NPNT: variants seen among roughly 807,000 people sequenced by gnomAD.
NPNT encodes preosteoblast EGF-like repeat protein with MAM domain.
NPNT carries 45 observed loss-of-function variants against 68.6 expected under a neutral mutation model. That is an observed-to-expected ratio of 0.66 (90% CI 0.52 to 0.84). The LOEUF is 0.84. Ranked by LOEUF, NPNT falls within the 40% of genes least tolerant of loss-of-function variation. The pLI, the probability that NPNT is intolerant of heterozygous loss-of-function variation, is 0.00. For missense variants in NPNT, 672 were observed against 714.8 expected, an observed-to-expected ratio of 0.94 and a Z score of 0.68; for synonymous variants, 233 against 253.3, an observed-to-expected ratio of 0.92 and a Z score of 0.76.
At chr4:105,930,689 G>A (rs1428752081) in intron 3 of NPNT, among the ~76,000 whole-genome samples, 3 of 152,126 alleles carry the variant, frequency 2.0e-5, no homozygotes, top group African/African-American at 4.8e-5. Flanking sequence ...GTAGCTTTTG[G>A]TATATGACAA....
In NPNT at chr4:105,952,861, C is replaced by T. The variant is rs552208525; in HGVS notation, c.1160-5610C>T. Among the ~76,000 whole-genome samples, 225 of 152,260 alleles carry T rather than the reference C, an allele frequency of 1.5e-3. 1 individual carries two copies. Among genetic ancestry groups the T allele is most frequent in the African/African-American group, 5.2e-3 (216 of 41,546 alleles). On this transcript the variant is annotated intron_variant, in intron 8 of 11. Transcript: ENST00000379987. ...TCTTCTTACCACTTGCATTCTGGTG[C>T]GAAGGACTCATTCCTGGCAGAGCCT...
At chr4:105,897,588 C>T (rs1560880370) in intron 1 of NPNT, among the ~76,000 whole-genome samples, 5 of 152,150 alleles carry the variant, frequency 3.3e-5, no homozygotes, top group Non-Finnish European at 7.4e-5. Flanking sequence ...AGAAACTATC[C>T]TGTGAGTGGC....
chr4:105,918,892 T>C (rs920468984), intron 2 of NPNT, among the ~76,000 whole-genome samples: 1 of 152,156 alleles, frequency 6.6e-6, no homozygotes, highest in African/African-American at 2.4e-5. Context: ...AACCTATGAG[T>C]AAGATCTCTA....
At chr4:105,920,397 A>T (rs1460636032) in intron 2 of NPNT, among the ~76,000 whole-genome samples, 1 of 10,164 alleles carries the variant, frequency 9.8e-5, no homozygotes, top group East Asian at 0.029. Context: ...TACTCTACTA[A>T]AAAAAAAAAA....
Position 105,942,678 on chromosome 4 carries a change from C to T in NPNT, c.1135C>T (p.Gln379Ter). The part of the protein sequence containing the change: ...TVDNRVQTDP[Q>*]KPRGDVFIPR... ...TGACAACAGGGTACAGACAGACCCTCAGAAACCCAGAGGAGATGTGTTCAG... is the reference window on the plus strand; with the variant it reads ...TGACAACAGGGTACAGACAGACCCTTAGAAACCCAGAGGAGATGTGTTCAG... The change falls in exon 8 of 12, where the codon CAG becomes TAG. Residue 379 changes from glutamine (Q) to a stop codon, truncating the protein, a stop_gained. Coordinates refer to ENST00000379987, the MANE Select transcript of NPNT (RefSeq NM_001033047.3). LOFTEE classifies it high-confidence loss of function. 1 of 1,612,028 alleles carries T rather than the reference C, an allele frequency of 6.2e-7. No individual in the cohort carries two copies. Among genetic ancestry groups the T allele is most frequent in the Non-Finnish European group, 8.5e-7 (1 of 1,179,062 alleles).
intron 2 of NPNT, chr4:105,912,414 T>A (rs1727445566): frequency 3.9e-6 from 2 of 506,406 alleles, no homozygotes; most frequent in Non-Finnish European, 6.6e-6. Context: ...TTATAGTAAG[T>A]TAATTTTAAT....
At chr4:105,962,754 TGTTG>T (rs1731817408) in intron 10 of NPNT, among the ~76,000 whole-genome samples, 9 of 152,096 alleles carry the variant, frequency 5.9e-5, no homozygotes, top group South Asian at 4.2e-4. Flanking sequence ...TTTTAGAATA[TGTTG>T]AGAGAATTAT....
chr4:105,959,211 T>C (rs1175997795), intron 10 of NPNT, 85 bp downstream of exon 10: 2 of 805,418 alleles, frequency 2.5e-6, no homozygotes, highest in Admixed American at 3.9e-5. Flanking sequence ...TCAAGTCTAC[T>C]GTAACACATC....
At chr4:105,929,740 A>T (rs1728967914) in intron 3 of NPNT, among the ~76,000 whole-genome samples, 1 of 152,240 alleles carries the variant, frequency 6.6e-6, no homozygotes, top group Admixed American at 6.5e-5. Flanking sequence ...CGATTAAAAT[A>T]AGTCACTTTT....
chr4:105,896,138 G>C (rs1243421347), intron 1 of NPNT, among the ~76,000 whole-genome samples: 1 of 152,174 alleles, frequency 6.6e-6, no homozygotes, highest in African/African-American at 2.4e-5. Flanking sequence ...AGGCCCCCGG[G>C]GGGAGGCCCG....
chr4:105,957,456 C>A (rs543301598), intron 8 of NPNT, among the ~76,000 whole-genome samples: 1 of 152,212 alleles, frequency 6.6e-6, no homozygotes, highest in Admixed American at 6.5e-5. Flanking sequence ...AAAGTAGATT[C>A]TTATGCTTTG....
intron 3 of NPNT, among the ~76,000 whole-genome samples, chr4:105,930,670 T>C (rs921040883): frequency 6.6e-6 from 1 of 152,226 alleles, no homozygotes; most frequent in Non-Finnish European, 1.5e-5. Context: ...AATTAGCTTT[T>C]GATTAAAAGT....
intron 10 of NPNT, among the ~76,000 whole-genome samples, chr4:105,961,110 T>C (rs1731687847): frequency 6.6e-6 from 1 of 152,214 alleles, no homozygotes; most frequent in African/African-American, 2.4e-5. Flanking sequence ...CCAGAGAAGT[T>C]ACCTGTTTCC....
intron 8 of NPNT, among the ~76,000 whole-genome samples, chr4:105,947,700 A>T (rs1056654015): frequency 6.6e-6 from 1 of 152,162 alleles, no homozygotes; most frequent in Non-Finnish European, 1.5e-5. Context: ...ATATTTTATT[A>T]ATCTTTTCTT....
At chr4:105,914,922 T>A (rs1298331313) in intron 2 of NPNT, among the ~76,000 whole-genome samples, 2 of 152,160 alleles carry the variant, frequency 1.3e-5, no homozygotes, top group Non-Finnish European at 2.9e-5. Flanking sequence ...GGAAGGCTTT[T>A]GATATCATAT....
At chr4:105,967,118 T>A in intron 10 of NPNT, 70 bp from the exon 11 acceptor site, 6 of 1,328,304 alleles carry the variant, frequency 4.5e-6, no homozygotes, top group African/African-American at 1.5e-5. Context: ...AAACTAAAAC[T>A]CCTGTCCATG....
chr4:105,912,501 C>A, intron 2 of NPNT: 1 of 526,598 alleles, frequency 1.9e-6, no homozygotes, highest in South Asian at 4.5e-5. Flanking sequence ...AAATTGACCT[C>A]CATTCTAAGC....
At chr4:105,934,904 A>G (rs141491913) in intron 3 of NPNT, among the ~76,000 whole-genome samples, 239 of 152,346 alleles carry the variant, frequency 1.6e-3, no homozygotes, top group African/African-American at 5.4e-3. Context: ...CAGCAGCTCC[A>G]GTCCAGATTA....
At chr4:105,904,347 A>T (rs1726695785) in intron 2 of NPNT, among the ~76,000 whole-genome samples, 1 of 152,218 alleles carries the variant, frequency 6.6e-6, no homozygotes. Flanking sequence ...AGTAGAGAAG[A>T]TAGTTTAAGG....
Sources: gnomAD v4.1 joint callset for allele counts (sites outside exome capture counted in the v4.1 genomes callset) on GRCh38, gnomAD v4.1.1 for gene constraint, MANE v1.5 for transcripts, NCBI Gene and HGNC (gene_info 2026-07-23, HGNC 2026-07-21) for gene names.